Variants in XYLB observed in about 807,000 individuals in gnomAD.
The protein encoded by XYLB is xylulose kinase.
In XYLB, 62 loss-of-function variants were observed where a neutral mutation model predicts 78.7. That is an observed-to-expected ratio of 0.79 (90% confidence interval 0.64 to 0.97). The LOEUF is 0.97. Ranked by LOEUF, XYLB falls within the 50% of genes least tolerant of loss-of-function variation. The pLI, the probability that XYLB is intolerant of heterozygous loss-of-function variation, is 0.00. For synonymous variants in XYLB, 245 were observed against 247.4 expected (o/e 0.99, Z 0.09); for missense variants, 687 against 676.8 (o/e 1.02, Z -0.17).
chr3:38,450,344 A>C, the XYLB span, among the ~76,000 whole-genome samples: 1 of 152,258 alleles, frequency 6.6e-6, no homozygotes, highest in Non-Finnish European at 1.5e-5. Context: ...ATAATTATAT[A>C]GATGCCAAGT....
At chr3:38,355,054 A>G (rs1007454753) in intron 2 of XYLB, among the ~76,000 whole-genome samples, 2 of 152,194 alleles carry the variant, frequency 1.3e-5, no homozygotes, top group African/African-American at 4.8e-5. Flanking sequence ...TGTGACTGTA[A>G]TTCCTCCCAT....
intron 15 of XYLB, among the ~76,000 whole-genome samples, chr3:38,387,546 A>AT (rs202200284): frequency 0.041 from 6,293 of 151,640 alleles, 260 homozygotes; most frequent in African/African-American, 0.11. Context: ...AATTTTTTGT[A>AT]TTTTTAGTAG....
rs199723335 is a variant in XYLB at position 38,368,231 on chromosome 3, C to G, written c.620C>G (p.Ser207Cys). 2 of 1,614,142 alleles carry G rather than the reference C, an allele frequency of 1.2e-6. No homozygotes were observed. The highest frequency in any genetic ancestry group is 4.5e-5 in the East Asian group (2 of 44,874). ...SSFAASLFLG[S>C]YSPIDYSDGS... ...TTTGCTGCTTCCCTGTTCCTTGGCT[C>G]TTACTCCCCTATTGACTACAGTGAT... The change falls in exon 8 of 19, where the codon TCT becomes TGT. Residue 207 changes from serine to cysteine, a missense_variant. Physicochemically the swap from Ser to Cys is moderately radical, Grantham distance 112. Coordinates refer to ENST00000207870, the MANE Select transcript of XYLB (RefSeq NM_005108.4).
intron 18 of XYLB, among the ~76,000 whole-genome samples, chr3:38,403,743 A>G (rs1043288792): frequency 5.9e-5 from 9 of 152,104 alleles, no homozygotes; most frequent in African/African-American, 1.9e-4. Flanking sequence ...AACTGGGGAA[A>G]GTTTTAGGGC....
intron 15 of XYLB, among the ~76,000 whole-genome samples, chr3:38,387,130 A>T (rs1483877811): frequency 2.0e-5 from 3 of 152,080 alleles, no homozygotes; most frequent in African/African-American, 4.8e-5. Flanking sequence ...ATTATTTTGT[A>T]TGTATCCCCT....
chr3:38,427,952 T>A, the XYLB span, among the ~76,000 whole-genome samples: 2 of 152,236 alleles, frequency 1.3e-5, no homozygotes, highest in Admixed American at 1.3e-4. Context: ...ATTTCCTCTT[T>A]ACTAACATAA....
At chr3:38,435,376 A>G in the XYLB span, among the ~76,000 whole-genome samples, 1 of 152,278 alleles carries the variant, frequency 6.6e-6, no homozygotes, top group Non-Finnish European at 1.5e-5. Context: ...AAAGGAATCA[A>G]TCTAGCAAGA....
chr3:38,405,937 G>T (rs1381460051), intron 18 of XYLB, among the ~76,000 whole-genome samples: 1 of 152,276 alleles, frequency 6.6e-6, no homozygotes, highest in African/African-American at 2.4e-5. Flanking sequence ...TGCCTCTGTA[G>T]GCTCCACCTC....
At chr3:38,412,163 G>T (rs977904013) in intron 18 of XYLB, among the ~76,000 whole-genome samples, 16 of 151,986 alleles carry the variant, frequency 1.1e-4, no homozygotes, top group African/African-American at 3.4e-4. Flanking sequence ...GCTAATTTTT[G>T]TATTTTTAGT....
chr3:38,383,772 G>A (rs1411758863), intron 15 of XYLB, among the ~76,000 whole-genome samples: 1 of 152,074 alleles, frequency 6.6e-6, no homozygotes, highest in Non-Finnish European at 1.5e-5. Context: ...TAGCCTGGGC[G>A]ACAGAGCGAG....
chr3:38,365,134 G>A (rs976658830), intron 4 of XYLB, 65 bp from the exon 5 acceptor site: 1 of 1,499,540 alleles, frequency 6.7e-7, no homozygotes, highest in African/African-American at 1.4e-5. Flanking sequence ...GGGTCTTTCT[G>A]TGTCTTCAGG....
At chr3:38,391,530 G>C (rs1707655774) in intron 15 of XYLB, among the ~76,000 whole-genome samples, 1 of 152,194 alleles carries the variant, frequency 6.6e-6, no homozygotes, top group Non-Finnish European at 1.5e-5. Context: ...AATGTGCATA[G>C]ATAGCTATTA....
intron 18 of XYLB, among the ~76,000 whole-genome samples, chr3:38,404,077 G>A (rs1575534126): frequency 2.0e-5 from 3 of 152,188 alleles, no homozygotes; most frequent in Admixed American, 2.0e-4. Flanking sequence ...ACTCAAAGCA[G>A]TAAGAATGTT....
chr3:38,401,046 T>TC (rs761845766), intron 18 of XYLB, 61 bp downstream of exon 18: 3 of 1,485,982 alleles, frequency 2.0e-6, no homozygotes, highest in Admixed American at 1.7e-5. Context: ...TAGGGTTTTT[T>TC]CCCCCACCAA....
chr3:38,353,876 G>C (rs1351767441), intron 2 of XYLB, among the ~76,000 whole-genome samples: 21 of 76,240 alleles, frequency 2.8e-4, no homozygotes, highest in African/African-American at 8.1e-4. Flanking sequence ...GACAAAGTGA[G>C]ACTCCATATA....
chr3:38,376,995 C>T lies in XYLB; in HGVS notation c.1194+4C>T, dbSNP rs1172751595. 1 of 1,612,998 alleles carries T rather than the reference C, an allele frequency of 6.2e-7. No homozygotes were observed. The highest frequency in any genetic ancestry group is 2.2e-5 in the East Asian group (1 of 44,882). ...GTTTAACACAGAAAACCACAAGGTA[C>T]ATGTGCTGTTGGTGTTGGAGTTACA... On this transcript the variant is annotated splice_donor_region_variant and intron_variant, in intron 14 of 18. Transcript: ENST00000207870.
At chr3:38,357,356 A>G (rs1257621004) in intron 2 of XYLB, among the ~76,000 whole-genome samples, 1 of 150,876 alleles carries the variant, frequency 6.6e-6, no homozygotes, top group Non-Finnish European at 1.5e-5. Flanking sequence ...TTCCATTCCC[A>G]CCAGTGGTAG....
At chr3:38,385,975 C>G (rs532065911) in intron 15 of XYLB, among the ~76,000 whole-genome samples, 2 of 152,286 alleles carry the variant, frequency 1.3e-5, no homozygotes, top group Non-Finnish European at 2.9e-5. Context: ...ATATATATGT[C>G]TGTATCAATA....
At chr3:38,391,973 C>A (rs1367597363) in intron 15 of XYLB, among the ~76,000 whole-genome samples, 1 of 152,186 alleles carries the variant, frequency 6.6e-6, no homozygotes, top group Non-Finnish European at 1.5e-5. Flanking sequence ...AGTGTCATTT[C>A]AAGTTCCTCT....
Sources: allele counts gnomAD v4.1 joint callset (sites outside exome capture counted in the v4.1 genomes callset), GRCh38; gene constraint gnomAD v4.1.1; transcripts MANE v1.5; gene names NCBI Gene and HGNC (gene_info 2026-07-23, HGNC 2026-07-21).